Variants in MAP4K5 observed in about 807,000 individuals in gnomAD.
The protein encoded by MAP4K5 is mitogen-activated protein kinase kinase kinase kinase 5.
A neutral mutation model predicts 135.6 loss-of-function variants in MAP4K5; 82 were observed. The observed-to-expected ratio is 0.60, with a 90% confidence interval of 0.51 to 0.73. The LOEUF is 0.73. MAP4K5 is among the 30% of genes least tolerant of loss of function. The pLI is 0.00. For missense variants in MAP4K5, 907 were observed against 1,010.9 expected (o/e 0.90, Z 1.39); for synonymous variants, 347 against 335.0 (o/e 1.04, Z -0.39).
chr14:50,444,950 A>T, intron 18 of MAP4K5, 91 bp downstream of exon 18: 2 of 1,304,204 alleles, frequency 1.5e-6, no homozygotes, highest in Non-Finnish European at 2.1e-6. Flanking sequence ...GGAACAAATG[A>T]CTCTCATTTC....
At chr14:50,466,468 G>T in intron 11 of MAP4K5, 115 bp downstream of exon 11, 10 of 400,052 alleles carry the variant, frequency 2.5e-5, no homozygotes, top group East Asian at 4.7e-5. Context: ...GTGTAACTTT[G>T]AGAAAACTGC....
chr14:50,440,155 A>T (rs2036192824), intron 22 of MAP4K5, 82 bp from the exon 23 acceptor site: 2 of 1,002,268 alleles, frequency 2.0e-6, no homozygotes, highest in African/African-American at 3.3e-5. Flanking sequence ...ATCATATAAA[A>T]ATAACTATTT....
intron 1 of MAP4K5, among the ~76,000 whole-genome samples, chr14:50,543,742 A>T (rs983242835): frequency 2.0e-5 from 3 of 152,210 alleles, no homozygotes; most frequent in Non-Finnish European, 2.9e-5. Context: ...TGGGCCTGTG[A>T]ACCAAGAGGC....
intron 3 of MAP4K5, among the ~76,000 whole-genome samples, chr14:50,487,918 C>G (rs2037402083): frequency 6.6e-6 from 1 of 152,130 alleles, no homozygotes; most frequent in Non-Finnish European, 1.5e-5. Flanking sequence ...TGGCTAAATT[C>G]TAGCCCATCT....
chr14:50,515,643 C>A (rs1055667216), intron 2 of MAP4K5, among the ~76,000 whole-genome samples: 4 of 152,186 alleles, frequency 2.6e-5, no homozygotes, highest in Non-Finnish European at 4.4e-5. Context: ...GTCTTACTTT[C>A]AAATCAACAC....
intron 2 of MAP4K5, among the ~76,000 whole-genome samples, chr14:50,512,933 G>A (rs552804832): frequency 1.3e-4 from 20 of 152,196 alleles, no homozygotes; most frequent in Admixed American, 8.5e-4. Flanking sequence ...ACTAACTGGA[G>A]TACAACGGCA....
rs1044527951 is a variant in MAP4K5, at chr14:50,482,504, C to T, written c.323-88G>A. On this transcript the variant is annotated intron_variant, in intron 5 of 32. Coordinates refer to ENST00000682126, the MANE Select transcript of MAP4K5 (RefSeq NM_006575.6). ...AAAAAAAATGGCAAACTAGGCCAAG[C>T]GCAGTGGCTCACGCCTGTAATCCCA... The T allele has an allele frequency of 7.7e-5, 68 of 883,518 alleles. 1 individual carries two copies. The South Asian group carries it at 8.8e-4, about 11-fold the overall frequency. 54.7% of individuals were successfully genotyped at this position (883,518 alleles called of 1,614,324 possible).
chr14:50,442,731 C>T lies in MAP4K5; in HGVS notation c.1564+1G>A, dbSNP rs764396431. On this transcript the variant is annotated splice_donor_variant, in intron 21 of 32. Coordinates refer to ENST00000682126, the MANE Select transcript of MAP4K5 (RefSeq NM_006575.6). LOFTEE classifies it high-confidence loss of function. Reference sequence around the variant, plus strand: ...ATGTATATAAAATTCAAACATTTTACCTTTTGTATCAGGATGTATCCAGGA... The same window carrying T: ...ATGTATATAAAATTCAAACATTTTATCTTTTGTATCAGGATGTATCCAGGA... 2 of 1,568,680 alleles carry T rather than the reference C, an allele frequency of 1.3e-6. No individual in the cohort carries two copies. The highest frequency in any genetic ancestry group is 1.2e-5 in the South Asian group (1 of 83,168).
rs1566665159 is a variant in MAP4K5 at position 50,475,156 on chromosome 14, A to T, written c.470-7T>A. ...GCAGCCACACCAAAGTCAGCTAGTG[A>T]GGAAAAAAACAGAAAATTTTAGTTC... On this transcript the variant is annotated splice_region_variant and splice_polypyrimidine_tract_variant and intron_variant, in intron 8 of 32. Coordinates refer to ENST00000682126, the MANE Select transcript of MAP4K5 (RefSeq NM_006575.6). 1 of 1,613,484 alleles carries T rather than the reference A, an allele frequency of 6.2e-7. No individual in the cohort carries two copies. Among genetic ancestry groups the T allele is most frequent in the South Asian group, 1.1e-5 (1 of 91,042 alleles).
intron 1 of MAP4K5, chr14:50,560,330 G>T: frequency 2.5e-6 from 4 of 1,612,080 alleles, no homozygotes; most frequent in Non-Finnish European, 3.4e-6. Context: ...TCTGCAGCCT[G>T]CACGGGGTCT....
At chr14:50,522,465 A>C (rs2038171751) in intron 2 of MAP4K5, among the ~76,000 whole-genome samples, 1 of 152,218 alleles carries the variant, frequency 6.6e-6, no homozygotes, top group South Asian at 2.1e-4. Context: ...AACAGTAAGA[A>C]AAATAAATAA....
upstream of MAP4K5, among the ~76,000 whole-genome samples, chr14:50,533,728 T>G (rs578226375): frequency 9.2e-5 from 14 of 152,348 alleles, no homozygotes; most frequent in African/African-American, 3.4e-4. Flanking sequence ...AACATCCAAT[T>G]TTTAATTCTG....
At chr14:50,454,584 T>G (rs2036559652) in intron 14 of MAP4K5, among the ~76,000 whole-genome samples, 1 of 152,088 alleles carries the variant, frequency 6.6e-6, no homozygotes, top group Non-Finnish European at 1.5e-5. Flanking sequence ...GACAAGTCAT[T>G]AATAAAGTGA....
rs1020126243 is a variant in MAP4K5 at position 50,532,118 on chromosome 14, G to A, written c.-69C>T. On this transcript the variant is annotated 5_prime_UTR_variant, in exon 2 of 33. Coordinates refer to ENST00000682126, the MANE Select transcript of MAP4K5 (RefSeq NM_006575.6). ...CGGATTCCCGCTAACAAGCACGAAC[G>A]GCGCCGCTTCCCAACATGGAGCCTC... 1.0e-5 allele frequency: 10 copies of A among 979,326 alleles called. No individual in the cohort carries two copies. In the Admixed American group the frequency reaches 1.1e-4, roughly 11 times the overall value. 60.7% of individuals were successfully genotyped at this position (979,326 alleles called of 1,614,324 possible). A position where few individuals can be genotyped will look rare whatever the true frequency, so the allele number is the denominator to read the frequency against.
intron 28 of MAP4K5, among the ~76,000 whole-genome samples, chr14:50,430,186 C>A (rs1447340534): frequency 6.6e-6 from 1 of 152,030 alleles, no homozygotes; most frequent in African/African-American, 2.4e-5. Context: ...GAGTCCTTAA[C>A]CTGAGTTGCT....
At chr14:50,442,260 TGA>T (rs2036246266) in intron 21 of MAP4K5, among the ~76,000 whole-genome samples, 1 of 152,104 alleles carries the variant, frequency 6.6e-6, no homozygotes, top group Non-Finnish European at 1.5e-5. Context: ...TACTTCTGCT[TGA>T]TCCTTCTCTC....
chr14:50,428,601 A>G (rs1387046901), intron 30 of MAP4K5, 61 bp downstream of exon 30: 3 of 949,018 alleles, frequency 3.2e-6, no homozygotes, highest in Non-Finnish European at 3.1e-6. Context: ...CCCTAAGTAC[A>G]GAATGAATTT....
chr14:50,523,729 T>C (rs2038200687), intron 2 of MAP4K5, among the ~76,000 whole-genome samples: 1 of 152,168 alleles, frequency 6.6e-6, no homozygotes, highest in Non-Finnish European at 1.5e-5. Context: ...CTCCCCCCAC[T>C]AAAATTTGAG....
chr14:50,464,133 C>A lies in MAP4K5; in HGVS notation c.738G>T (p.Trp246Cys). The change falls in exon 12 of 33, where the codon TGG becomes TGT. Residue 246 changes from tryptophan to cysteine, a missense_variant and splice_region_variant. Physicochemically the swap from Trp to Cys is radical, Grantham distance 215. Coordinates refer to ENST00000682126, the MANE Select transcript of MAP4K5 (RefSeq NM_006575.6). ...QPPKLKDKTK[W>C]SSTFHNFVKI... ...TGACAAAATTATGGAATGTTGATGACCTTAAAATAAAAAGAGACGTACAAA... is the reference window on the plus strand; with the variant it reads ...TGACAAAATTATGGAATGTTGATGAACTTAAAATAAAAAGAGACGTACAAA... 6.8e-7 allele frequency: 1 copy of A among 1,471,756 alleles called. No homozygotes were observed. The highest frequency in any genetic ancestry group is 9.3e-7 in the Non-Finnish European group (1 of 1,078,550). The allele number at this position is 1,471,756 out of a possible 1,614,324, so 91.2% of individuals were successfully genotyped here.
Sources: allele counts gnomAD v4.1 joint callset (sites outside exome capture counted in the v4.1 genomes callset), GRCh38; gene constraint gnomAD v4.1.1; transcripts MANE v1.5; gene names NCBI Gene and HGNC (gene_info 2026-07-23, HGNC 2026-07-21).